CACNA1D: variants seen among roughly 807,000 people sequenced by gnomAD.
CACNA1D encodes calcium voltage-gated channel subunit alpha1 D, also known as voltage-dependent L-type calcium channel subunit alpha-1D.
Under a neutral mutation model 257.1 loss-of-function variants are expected in CACNA1D, and 55 were observed. The ratio of observed to expected loss-of-function variants is 0.21; its 90% confidence interval spans 0.17 to 0.27. The LOEUF is 0.27. Among genes scored for constraint, CACNA1D ranks in the 10% least tolerant of loss-of-function variants. CACNA1D has a pLI of 1.00. For synonymous variants in CACNA1D, 980 were observed against 1,014.9 expected, an observed-to-expected ratio of 0.97 and a Z score of 0.65; for missense variants, 1,876 against 2,784.0, an observed-to-expected ratio of 0.67 and a Z score of 7.34.
Position 53,805,233 on chromosome 3 carries a change from A to G in CACNA1D, c.5749+87A>G, listed in dbSNP as rs554768375. ...CCCCCGCTCTGGGGGCCGGTGATGG[A>G]TGTGTGCTGCCAGGTCAGGATCCTT... is the stretch of plus-strand genomic sequence containing the variant. On this transcript the variant is annotated intron_variant, in intron 45 of 47. Transcript: ENST00000350061. The G allele has an allele frequency of 8.8e-5, 113 of 1,282,732 alleles. No homozygotes were observed. The Middle Eastern group carries it at 1.2e-3, about 13-fold the overall frequency. 79.5% of individuals were successfully genotyped at this position (1,282,732 alleles called of 1,614,324 possible).
chr3:53,601,873 G>C (rs1168944282), intron 3 of CACNA1D, among the ~76,000 whole-genome samples: 1 of 152,056 alleles, frequency 6.6e-6, no homozygotes, highest in East Asian at 1.9e-4. Flanking sequence ...ACCATGTCTG[G>C]CTAGTTTTTG....
At position 53,811,448 on chromosome 3, in the gene CACNA1D, G is replaced by C. The variant is rs112543277; in HGVS notation, c.*42G>C. ...GACTGGCTCTGGCCTCAGGTGGGGC[G>C]CAGGAGAGCCAGGGGAAAAGTGCCT... On this transcript the variant is annotated 3_prime_UTR_variant, in exon 48 of 48. Coordinates refer to ENST00000350061, the MANE Select transcript of CACNA1D (RefSeq NM_001128840.3). This position sits in a 1 kb window ranked among gnomAD's most constrained non-coding sequence, Gnocchi z 4.2. 1 of 1,482,984 alleles carries C rather than the reference G, an allele frequency of 6.7e-7. No homozygotes were observed. 91.9% of individuals were successfully genotyped at this position (1,482,984 alleles called of 1,614,324 possible).
intron 8 of CACNA1D, among the ~76,000 whole-genome samples, chr3:53,690,171 T>C (rs1038446347): frequency 1.3e-5 from 2 of 152,208 alleles, no homozygotes; most frequent in Non-Finnish European, 2.9e-5. Context: ...GAGCCCAAGC[T>C]GCTTTTCTCG....
chr3:53,583,581 G>A (rs2093166608), intron 3 of CACNA1D, among the ~76,000 whole-genome samples: 1 of 152,296 alleles, frequency 6.6e-6, no homozygotes. Context: ...GCTCATCTTA[G>A]GCAGTATAAG....
chr3:53,643,150 C>T (rs745668953), intron 3 of CACNA1D, among the ~76,000 whole-genome samples: 1 of 152,082 alleles, frequency 6.6e-6, no homozygotes, highest in African/African-American at 2.4e-5. Context: ...ACTTTTAAAC[C>T]GAAGGTGAAG....
chr3:53,648,611 C>T (rs1279377090), intron 3 of CACNA1D, among the ~76,000 whole-genome samples: 1 of 151,988 alleles, frequency 6.6e-6, no homozygotes, highest in African/African-American at 2.4e-5. Context: ...AACGGGGAAT[C>T]TGGACAGTAA....
chr3:53,584,050 T>C (rs1029727241), intron 3 of CACNA1D, among the ~76,000 whole-genome samples: 1 of 152,224 alleles, frequency 6.6e-6, no homozygotes, highest in African/African-American at 2.4e-5. Context: ...CTGGACATCC[T>C]GAGTGATCAT....
intron 40 of CACNA1D, among the ~76,000 whole-genome samples, chr3:53,788,065 A>G (rs1314122398): frequency 6.6e-6 from 1 of 152,202 alleles, no homozygotes; most frequent in Non-Finnish European, 1.5e-5. Flanking sequence ...AGTGATGGTA[A>G]CAGCCCAAAT....
intron 15 of CACNA1D, among the ~76,000 whole-genome samples, chr3:53,730,025 A>C (rs1482876499): frequency 2.0e-5 from 3 of 151,962 alleles, no homozygotes; most frequent in Non-Finnish European, 4.4e-5. Flanking sequence ...CTGAATATAT[A>C]TGTTGTAGTT....
intron 15 of CACNA1D, 47 bp from the exon 16 acceptor site, chr3:53,730,395 G>A (rs373860724): frequency 1.3e-5 from 16 of 1,273,968 alleles, no homozygotes; most frequent in East Asian, 2.3e-5. Context: ...TTGGCCGCAC[G>A]TAGTTGCATT....
intron 3 of CACNA1D, among the ~76,000 whole-genome samples, chr3:53,505,115 G>GTTTTT (rs35938386): frequency 4.3e-4 from 42 of 97,598 alleles, no homozygotes; most frequent in East Asian, 5.9e-4. Context: ...TTGTTTATTT[G>GTTTTT]TTTTTTTTTT....
Position 53,745,950 on chromosome 3 carries a change from C to T in CACNA1D, c.3167+75C>T, listed in dbSNP as rs2095164601. 8 of 1,186,330 alleles carry T rather than the reference C, an allele frequency of 6.7e-6. No individual in the cohort carries two copies. The South Asian group carries it at 7.4e-5, about 11-fold the overall frequency. 73.5% of individuals were successfully genotyped at this position (1,186,330 alleles called of 1,614,324 possible). A position where few individuals can be genotyped will look rare whatever the true frequency, so the allele number is the denominator to read the frequency against. The stretch of plus-strand genomic sequence containing the variant: ...CTTCAAGGATTCACACATGTTGGCA[C>T]GTCAGAAGTTTTGGTCGTGAAATAA... On this transcript the variant is annotated intron_variant, in intron 25 of 47. Transcript: ENST00000350061.
intron 1 of CACNA1D, among the ~76,000 whole-genome samples, chr3:53,496,058 C>A (rs2090330827): frequency 6.6e-6 from 1 of 152,244 alleles, no homozygotes; most frequent in Middle Eastern, 3.2e-3. Flanking sequence ...CGTCCCCGCT[C>A]CGATTGCCCG....
At chr3:53,698,120 G>A (rs2094588801) in intron 8 of CACNA1D, among the ~76,000 whole-genome samples, 1 of 152,138 alleles carries the variant, frequency 6.6e-6, no homozygotes. Context: ...TCACATATCA[G>A]CCTCTTTTAA....
rs533313637 is a variant in CACNA1D at position 53,555,929 on chromosome 3, A to G, written c.483+54209A>G. ...TGTATCTCTTACCACAATTAAGATA[A>G]CAGAACAGTTTTGTCCCCCGCAAAA... On this transcript the variant is annotated intron_variant, in intron 3 of 47. Transcript: ENST00000350061. 2.1e-3 allele frequency among the ~76,000 whole-genome samples: 317 copies of G among 152,338 alleles called. 2 individuals are homozygous for G. Among genetic ancestry groups the G allele is most frequent in the Non-Finnish European group, 3.5e-3 (240 of 68,026 alleles).
chr3:53,540,401 C>A (rs143840518), intron 3 of CACNA1D, among the ~76,000 whole-genome samples: 2,306 of 152,060 alleles, frequency 0.015, 45 homozygotes, highest in Admixed American at 0.049. Flanking sequence ...GCTGGGATTA[C>A]AGGCGTGAGC....
intron 3 of CACNA1D, among the ~76,000 whole-genome samples, chr3:53,562,624 A>G (rs890135454): frequency 6.6e-6 from 1 of 150,776 alleles, no homozygotes; most frequent in Middle Eastern, 3.2e-3. Flanking sequence ...TCTTACCACA[A>G]TCCAGTTTTA....
At chr3:53,590,598 C>T (rs2093289275) in intron 3 of CACNA1D, among the ~76,000 whole-genome samples, 2 of 152,222 alleles carry the variant, frequency 1.3e-5, no homozygotes, top group Non-Finnish European at 2.9e-5. Flanking sequence ...TTTTGGTTCA[C>T]AAAACAACTG....
At chr3:53,695,846 A>C (rs537720468) in intron 8 of CACNA1D, among the ~76,000 whole-genome samples, 42 of 152,232 alleles carry the variant, frequency 2.8e-4, no homozygotes, top group African/African-American at 4.6e-4. Context: ...AGCTGATAGG[A>C]GTCCTATCAA....
Sources: gnomAD v4.1 joint callset for allele counts (sites outside exome capture counted in the v4.1 genomes callset) on GRCh38, gnomAD v4.1.1 for gene constraint, Gnocchi (gnomAD v3.1) non-coding constraint, MANE v1.5 for transcripts, NCBI Gene and HGNC (gene_info 2026-07-23, HGNC 2026-07-21) for gene names.